DCC: variants seen among roughly 807,000 people sequenced by gnomAD.
DCC encodes the protein DCC netrin 1 receptor.
DCC carries 58 observed loss-of-function variants against 172.5 expected under a neutral mutation model. The observed-to-expected ratio is 0.34, with a 90% confidence interval of 0.27 to 0.42. DCC has a LOEUF of 0.42. Ranked by LOEUF, DCC falls within the 10% of genes least tolerant of loss-of-function variation. DCC has a pLI of 1.00. For missense variants in DCC, 1,740 were observed against 1,791.0 expected, an observed-to-expected ratio of 0.97 and a Z score of 0.51; for synonymous variants, 709 against 644.5, an observed-to-expected ratio of 1.10 and a Z score of -1.52.
chr18:52,970,158 A>C (rs1445825081), intron 5 of DCC, among the ~76,000 whole-genome samples: 1 of 152,250 alleles, frequency 6.6e-6, no homozygotes, highest in East Asian at 1.9e-4. Context: ...ACTTAAATAC[A>C]CTGAATCTGT....
chr18:52,801,689 G>A (rs1180702122), intron 2 of DCC, among the ~76,000 whole-genome samples: 3 of 152,100 alleles, frequency 2.0e-5, no homozygotes, highest in African/African-American at 7.2e-5. Flanking sequence ...TTCAAATTTG[G>A]AATCTAGGAA....
chr18:53,424,436 C>G (rs540340268), intron 21 of DCC, among the ~76,000 whole-genome samples: 2 of 152,250 alleles, frequency 1.3e-5, no homozygotes, highest in South Asian at 4.2e-4. Context: ...TTTCAAGAAG[C>G]TTGCAATATA....
chr18:53,215,464 C>A, intron 11 of DCC, 84 bp from the exon 12 acceptor site: 1 of 1,130,326 alleles, frequency 8.8e-7, no homozygotes, highest in Non-Finnish European at 1.4e-6. Flanking sequence ...ATAAACAAAA[C>A]CACACTCTCT....
At chr18:52,771,801 A>G (rs2037348553) in intron 2 of DCC, among the ~76,000 whole-genome samples, 1 of 147,500 alleles carries the variant, frequency 6.8e-6, no homozygotes, top group Non-Finnish European at 1.5e-5. Flanking sequence ...CCTCTCTCAT[A>G]TTTTAATTAA....
At chr18:53,335,290 C>T (rs1367304519) in intron 14 of DCC, among the ~76,000 whole-genome samples, 1 of 152,126 alleles carries the variant, frequency 6.6e-6, no homozygotes, top group African/African-American at 2.4e-5. Context: ...ATTGTCCCAT[C>T]AGCATAGCAC....
intron 9 of DCC, among the ~76,000 whole-genome samples, chr18:53,199,965 G>A (rs1472944883): frequency 6.6e-6 from 1 of 152,024 alleles, no homozygotes; most frequent in Non-Finnish European, 1.5e-5. Context: ...GTACCAAAGG[G>A]CAGTCATTTC....
In DCC at chr18:53,103,269, G is replaced by A. The variant is rs1364230437; in HGVS notation, c.1261+37103G>A. On this transcript the variant is annotated intron_variant, in intron 7 of 28. Coordinates refer to ENST00000442544, the MANE Select transcript of DCC (RefSeq NM_005215.4). ...GACAGAACCAGGGTACATACTCTGT[G>A]CAGTGCATGGTAGCAGAAACTTGAG... is the stretch of plus-strand genomic sequence containing the variant. Among the ~76,000 whole-genome samples, 6 of 152,214 alleles carry A rather than the reference G, an allele frequency of 3.9e-5. No homozygotes were observed. In the East Asian group the frequency reaches 9.7e-4, roughly 25 times the overall value.
chr18:53,435,913 A>G (rs545052080), intron 22 of DCC, among the ~76,000 whole-genome samples: 1 of 152,290 alleles, frequency 6.6e-6, no homozygotes, highest in African/African-American at 2.4e-5. Flanking sequence ...CAGGGGACTA[A>G]TGTATGTATG....
intron 12 of DCC, among the ~76,000 whole-genome samples, chr18:53,260,105 T>A (rs1176524248): frequency 1.3e-5 from 2 of 152,176 alleles, no homozygotes; most frequent in Non-Finnish European, 2.9e-5. Flanking sequence ...TCCATTTGTC[T>A]AATTTTTTTT....
intron 1 of DCC, among the ~76,000 whole-genome samples, chr18:52,458,533 A>G (rs1351265144): frequency 6.6e-6 from 1 of 152,176 alleles, no homozygotes; most frequent in African/African-American, 2.4e-5. Flanking sequence ...GAGAATGCCT[A>G]TGAGTTCCTC....
At chr18:52,889,003 A>G (rs2039608714) in intron 2 of DCC, among the ~76,000 whole-genome samples, 1 of 152,104 alleles carries the variant, frequency 6.6e-6, no homozygotes. Context: ...AATATAATAC[A>G]TAATATAACC....
intron 20 of DCC, among the ~76,000 whole-genome samples, chr18:53,413,690 G>A (rs1910127534): frequency 6.6e-6 from 1 of 152,218 alleles, no homozygotes; most frequent in Non-Finnish European, 1.5e-5. Context: ...ATAAAGGGCA[G>A]ACAAAGAATG....
intron 1 of DCC, among the ~76,000 whole-genome samples, chr18:52,351,564 G>T (rs1984123520): frequency 2.0e-5 from 3 of 152,068 alleles, no homozygotes; most frequent in Admixed American, 1.3e-4. Context: ...AAAAATCCAA[G>T]TAATTATCAA....
intron 5 of DCC, among the ~76,000 whole-genome samples, chr18:52,982,229 G>A (rs2041223505): frequency 6.6e-6 from 1 of 152,028 alleles, no homozygotes; most frequent in Non-Finnish European, 1.5e-5. Context: ...CTTAATTCAG[G>A]GTATTGCTTA....
chr18:53,354,045 G>A (rs2057847067), intron 15 of DCC, among the ~76,000 whole-genome samples: 2 of 152,142 alleles, frequency 1.3e-5, no homozygotes, highest in Admixed American at 6.5e-5. Context: ...AGTTTGCTGA[G>A]AATGATGGTT....
chr18:53,125,731 G>C (rs547175934), intron 7 of DCC, among the ~76,000 whole-genome samples: 93 of 152,250 alleles, frequency 6.1e-4, no homozygotes, highest in African/African-American at 2.1e-3. Flanking sequence ...TCTCAACACA[G>C]ATTTGGACCA....
chr18:52,651,214 G>A (rs982459881), intron 1 of DCC, among the ~76,000 whole-genome samples: 5 of 152,128 alleles, frequency 3.3e-5, no homozygotes, highest in Admixed American at 2.0e-4. Flanking sequence ...CCAAGCTGGA[G>A]TGCAGTGGTA....
chr18:52,533,305 T>G (rs1299920611), intron 1 of DCC, among the ~76,000 whole-genome samples: 1 of 152,140 alleles, frequency 6.6e-6, no homozygotes, highest in Non-Finnish European at 1.5e-5. Context: ...TATTGTTACA[T>G]GTGTAGGTTT....
chr18:52,408,919 A>C (rs1450280770), intron 1 of DCC: 2 of 152,078 alleles, frequency 1.3e-5, no homozygotes, highest in Non-Finnish European at 2.9e-5. Context: ...TGTTTTTATT[A>C]GGTTGAACTA....
Sources: gnomAD v4.1 joint callset for allele counts (sites outside exome capture counted in the v4.1 genomes callset) on GRCh38, gnomAD v4.1.1 for gene constraint, MANE v1.5 for transcripts, NCBI Gene and HGNC (gene_info 2026-07-23, HGNC 2026-07-21) for gene names.